HPCAL1: variants seen among roughly 807,000 people sequenced by gnomAD.
HPCAL1 encodes hippocalcin-like protein 1.
Under a neutral mutation model 17.1 loss-of-function variants are expected in HPCAL1, and 8 were observed. The observed-to-expected ratio is 0.47, with a 90% CI of 0.27 to 0.84. The LOEUF (loss-of-function observed/expected upper bound fraction) is 0.84. Among genes scored for constraint, HPCAL1 ranks in the 40% least tolerant of loss-of-function variants. The probability of loss-of-function intolerance (pLI) is 0.13; values close to 1 mark genes in which losing one functional copy is unlikely to be tolerated. For missense variants in HPCAL1, 165 were observed against 271.1 expected (o/e 0.61, Z 2.75); for synonymous variants, 112 against 111.4 (o/e 1.01, Z -0.03).
At chr2:10,397,396 C>A (rs1572809264) in intron 2 of HPCAL1, among the ~76,000 whole-genome samples, 1 of 152,090 alleles carries the variant, frequency 6.6e-6, no homozygotes, top group Admixed American at 6.5e-5. Flanking sequence ...GCCCTCTGGA[C>A]CCCCACCCAC....
chr2:10,372,631 G>A (rs1029836195), intron 1 of HPCAL1, among the ~76,000 whole-genome samples: 2 of 152,236 alleles, frequency 1.3e-5, no homozygotes, highest in South Asian at 2.1e-4. Flanking sequence ...TCCCGAAACA[G>A]CTGAGATCAG....
intron 1 of HPCAL1, among the ~76,000 whole-genome samples, chr2:10,334,203 C>T (rs1664561261): frequency 6.6e-6 from 1 of 152,162 alleles, no homozygotes. Context: ...TAAATGGTGG[C>T]CCAGGCATGG....
chr2:10,420,590 G>A (rs1671001869), intron 3 of HPCAL1, among the ~76,000 whole-genome samples: 1 of 152,048 alleles, frequency 6.6e-6, no homozygotes, highest in Non-Finnish European at 1.5e-5. Flanking sequence ...CACCTGATTG[G>A]GCAGACCCTT....
At chr2:10,416,176 C>T (rs1670659268) in intron 2 of HPCAL1, among the ~76,000 whole-genome samples, 1 of 152,226 alleles carries the variant, frequency 6.6e-6, no homozygotes, top group African/African-American at 2.4e-5. Context: ...GCTACCTTTG[C>T]AAATAGGTCC....
Position 10,331,495 on chromosome 2 carries a change from C to T in HPCAL1, c.-111+28318C>T, listed in dbSNP as rs555870740. Among the ~76,000 whole-genome samples, 7 of 152,302 alleles carry T rather than the reference C, an allele frequency of 4.6e-5. No individual in the cohort carries two copies. In the South Asian group the frequency reaches 8.3e-4, roughly 18 times the overall value. ...CACTCAGGAAACCTTGCTGGTGGAA[C>T]GGATGCAGCAGCGAGGTTTTCCGGG... is the stretch of plus-strand genomic sequence containing the variant. On this transcript the variant is annotated intron_variant, in intron 1 of 4. Coordinates refer to ENST00000307845, the MANE Select transcript of HPCAL1 (RefSeq NM_002149.4). The surrounding 1 kb of genome is among the most constrained non-coding windows in gnomAD (Gnocchi z 5.0).
chr2:10,354,576 G>A lies in HPCAL1; in HGVS notation c.-110-42259G>A, dbSNP rs1227655725. On this transcript the variant is annotated intron_variant, in intron 1 of 4. Transcript: ENST00000307845. This position sits in a 1 kb window ranked among gnomAD's most constrained non-coding sequence, Gnocchi z 5.1. Reference sequence around the variant, plus strand: ...CAGAGCTCCCAGGGCTCATCGCACAGCCATGGCCGAGGTGTCGGGACTCAA... The same window carrying A: ...CAGAGCTCCCAGGGCTCATCGCACAACCATGGCCGAGGTGTCGGGACTCAA... Among the ~76,000 whole-genome samples, 2 of 152,246 alleles carry A rather than the reference G, an allele frequency of 1.3e-5. No homozygotes were observed. Among genetic ancestry groups the A allele is most frequent in the Non-Finnish European group, 2.9e-5 (2 of 68,046 alleles).
intron 2 of HPCAL1, among the ~76,000 whole-genome samples, chr2:10,401,821 T>C (rs1669629211): frequency 6.6e-6 from 1 of 152,182 alleles, no homozygotes; most frequent in East Asian, 1.9e-4. Context: ...TGCTGGTCCA[T>C]GTTGGAATGC....
At chr2:10,421,803 T>A (rs1256517205) in intron 3 of HPCAL1, among the ~76,000 whole-genome samples, 1 of 152,204 alleles carries the variant, frequency 6.6e-6, no homozygotes, top group Non-Finnish European at 1.5e-5. Flanking sequence ...GGGTATCAAA[T>A]CCGTGAACTT....
At chr2:10,424,304 G>T in intron 4 of HPCAL1, 1 of 352,098 alleles carries the variant, frequency 2.8e-6, no homozygotes, top group Non-Finnish European at 5.7e-6. Flanking sequence ...CAGAAAACAA[G>T]GCTGCCTGGT....
intron 1 of HPCAL1, among the ~76,000 whole-genome samples, chr2:10,357,642 C>T (rs1666243658): frequency 1.3e-5 from 2 of 152,184 alleles, no homozygotes; most frequent in African/African-American, 4.8e-5. Flanking sequence ...AGCCGATGTT[C>T]TTGTAAATAT....
chr2:10,388,272 T>C (rs978290722), intron 1 of HPCAL1, among the ~76,000 whole-genome samples: 2 of 152,052 alleles, frequency 1.3e-5, no homozygotes, highest in Admixed American at 6.5e-5. Flanking sequence ...TTGGCAAAGG[T>C]TTGTTTTATC....
At chr2:10,393,604 G>T (rs1572798905) in intron 1 of HPCAL1, among the ~76,000 whole-genome samples, 1 of 152,354 alleles carries the variant, frequency 6.6e-6, no homozygotes, top group East Asian at 1.9e-4. Flanking sequence ...CCTCTGTGGA[G>T]CTGGTCACTG....
intron 1 of HPCAL1, among the ~76,000 whole-genome samples, chr2:10,370,580 A>G (rs1667141922): frequency 1.3e-5 from 2 of 152,194 alleles, no homozygotes; most frequent in Non-Finnish European, 2.9e-5. Flanking sequence ...CTGAGCAGCA[A>G]CTGTGAGCTA....
At chr2:10,391,093 C>T (rs573184732) in intron 1 of HPCAL1, among the ~76,000 whole-genome samples, 12 of 152,318 alleles carry the variant, frequency 7.9e-5, no homozygotes, top group East Asian at 5.8e-4. Flanking sequence ...AAGGTGGGGA[C>T]GCTGTCCCTG....
intron 2 of HPCAL1, among the ~76,000 whole-genome samples, chr2:10,402,443 A>G (rs1032208878): frequency 2.0e-5 from 3 of 152,118 alleles, no homozygotes; most frequent in African/African-American, 7.2e-5. Flanking sequence ...AAGACTAAAG[A>G]TGGCAAAGAG....
At chr2:10,345,059 G>A (rs1558473811) in intron 1 of HPCAL1, among the ~76,000 whole-genome samples, 1 of 150,218 alleles carries the variant, frequency 6.7e-6, no homozygotes, top group African/African-American at 2.5e-5. Flanking sequence ...CTCTCTTTCT[G>A]TCTCTCTCTG....
intron 1 of HPCAL1, among the ~76,000 whole-genome samples, chr2:10,376,934 G>A (rs997233724): frequency 4.7e-5 from 7 of 147,770 alleles, no homozygotes. Context: ...AATACATACC[G>A]TATTGTATTG....
Position 10,341,973 on chromosome 2 carries a change from T to C in HPCAL1, c.-111+38796T>C, listed in dbSNP as rs139056821. ...TGCTTTGAGGCCAGCCTGGGCAACA[T>C]AGTGAGACTCTGTCTCTAGATAAAG... On this transcript the variant is annotated intron_variant, in intron 1 of 4. Transcript: ENST00000307845. Among the ~76,000 whole-genome samples the C allele has an allele frequency of 6.8e-3, 1,032 of 151,826 alleles. 10 individuals carry two copies. The highest frequency in any genetic ancestry group is 0.024 in the African/African-American group (985 of 41,416).
At chr2:10,422,282 C>G (rs1671112271) in intron 3 of HPCAL1, among the ~76,000 whole-genome samples, 1 of 152,238 alleles carries the variant, frequency 6.6e-6, no homozygotes, top group South Asian at 2.1e-4. Context: ...GAATATCAAG[C>G]CACCTTCACG....
Sources: gnomAD v4.1 joint callset for allele counts (sites outside exome capture counted in the v4.1 genomes callset) on GRCh38, gnomAD v4.1.1 for gene constraint, Gnocchi (gnomAD v3.1) non-coding constraint, MANE v1.5 for transcripts, NCBI Gene and HGNC (gene_info 2026-07-23, HGNC 2026-07-21) for gene names.